CCDC102B: variants seen among roughly 807,000 people sequenced by gnomAD.
CCDC102B encodes coiled-coil domain-containing protein 102B.
Under a neutral mutation model 57.4 loss-of-function variants are expected in CCDC102B, and 75 were observed. That is an observed-to-expected ratio of 1.31 (90% CI 1.08 to 1.58). The LOEUF (loss-of-function observed/expected upper bound fraction) is 1.58. Ranked by LOEUF, CCDC102B falls within the 40% of genes most tolerant of loss-of-function variation. The pLI is 0.00. For synonymous variants in CCDC102B, 206 were observed against 201.9 expected, an observed-to-expected ratio of 1.02 and a Z score of -0.17; for missense variants, 636 against 582.6, an observed-to-expected ratio of 1.09 and a Z score of -0.94.
At chr18:68,841,448 T>C (rs2037625940) in intron 3 of CCDC102B, among the ~76,000 whole-genome samples, 1 of 152,240 alleles carries the variant, frequency 6.6e-6, no homozygotes, top group Admixed American at 6.5e-5. Context: ...TATATATTTC[T>C]GTTGACTTTC....
Position 68,874,906 on chromosome 18 carries a change from C to G in CCDC102B, c.1053+121C>G, listed in dbSNP as rs530011609. The stretch of plus-strand genomic sequence containing the variant: ...GGTTACTTTATGAAAGTGAATGCTG[C>G]TGCTAATGTAATCAGCTTATATGTG... On this transcript the variant is annotated intron_variant, in intron 5 of 7. Transcript: ENST00000360242. 4 of 635,484 alleles carry G rather than the reference C, an allele frequency of 6.3e-6. No individual in the cohort carries two copies. In the East Asian group the frequency reaches 1.1e-4, roughly 17 times the overall value. 39.4% of individuals were successfully genotyped at this position (635,484 alleles called of 1,614,324 possible). A position where few individuals can be genotyped will look rare whatever the true frequency, so the allele number is the denominator to read the frequency against.
At chr18:68,982,841 A>G (rs2145298410) in intron 6 of CCDC102B, among the ~76,000 whole-genome samples, 1 of 152,030 alleles carries the variant, frequency 6.6e-6, no homozygotes, top group Non-Finnish European at 1.5e-5. Context: ...AATGACTAAG[A>G]ATGTAGTAAA....
chr18:68,900,659 A>G (rs920619521), intron 6 of CCDC102B, among the ~76,000 whole-genome samples: 1 of 152,140 alleles, frequency 6.6e-6, no homozygotes, highest in Non-Finnish European at 1.5e-5. Flanking sequence ...TTGAATCTCC[A>G]TGTTTTATAA....
At chr18:68,783,223 T>C (rs2035068229) in intron 2 of CCDC102B, among the ~76,000 whole-genome samples, 1 of 152,196 alleles carries the variant, frequency 6.6e-6, no homozygotes. Flanking sequence ...TAGATGTCCA[T>C]AATCTAAACA....
chr18:68,858,543 C>T (rs889521723), intron 4 of CCDC102B, among the ~76,000 whole-genome samples: 7 of 152,136 alleles, frequency 4.6e-5, no homozygotes, highest in African/African-American at 1.7e-4. Flanking sequence ...TTGAAGTTCT[C>T]CTACCATCTG....
intron 1 of CCDC102B, among the ~76,000 whole-genome samples, chr18:68,810,680 GTTTTTTTTTTTTTTT>G (rs61714863): frequency 1.3e-5 from 1 of 77,042 alleles, no homozygotes; most frequent in African/African-American, 5.1e-5. Flanking sequence ...TCTTTTCTTT[GTTTTTTTTTTTTTTT>G]TTTTTTTTTT....
intron 1 of CCDC102B, among the ~76,000 whole-genome samples, chr18:68,811,586 G>A (rs889391695): frequency 1.3e-5 from 2 of 152,168 alleles, no homozygotes; most frequent in Non-Finnish European, 2.9e-5. Context: ...CTGCACTCCA[G>A]CCTGGGCAAC....
chr18:68,980,227 A>ACCCTCTC (rs2050542461), intron 6 of CCDC102B, among the ~76,000 whole-genome samples: 1 of 148,596 alleles, frequency 6.7e-6, no homozygotes, highest in Admixed American at 6.7e-5. Context: ...CCAAGATAGA[A>ACCCTCTC]CCCTCTCCTC....
intron 1 of CCDC102B, among the ~76,000 whole-genome samples, chr18:68,832,783 G>A (rs1202188178): frequency 1.3e-5 from 2 of 152,020 alleles, no homozygotes; most frequent in African/African-American, 4.8e-5. Context: ...TCTGCGGAGA[G>A]TGGGGAGCGT....
intron 6 of CCDC102B, among the ~76,000 whole-genome samples, chr18:68,973,507 G>A (rs2050353039): frequency 6.6e-6 from 1 of 152,058 alleles, no homozygotes; most frequent in South Asian, 2.1e-4. Context: ...ACGTAGCTTA[G>A]CAACCATCGA....
chr18:68,744,444 T>C (rs963206497), intron 2 of CCDC102B, among the ~76,000 whole-genome samples: 2 of 152,180 alleles, frequency 1.3e-5, no homozygotes, highest in Non-Finnish European at 2.9e-5. Flanking sequence ...GACTAGCTTG[T>C]AAACAATATA....
chr18:68,838,126 T>C (rs1027254338), intron 2 of CCDC102B, among the ~76,000 whole-genome samples: 1 of 152,218 alleles, frequency 6.6e-6, no homozygotes, highest in Non-Finnish European at 1.5e-5. Flanking sequence ...GTGAAGTTTT[T>C]GAGTTACGCT....
chr18:68,753,172 C>T (rs2033927559), intron 2 of CCDC102B: 2 of 152,014 alleles, frequency 1.3e-5, no homozygotes, highest in Admixed American at 1.3e-4. Context: ...ATGGGGAATG[C>T]AAATAATTTC....
chr18:68,979,471 G>A (rs1327674775), intron 6 of CCDC102B, among the ~76,000 whole-genome samples: 1 of 151,942 alleles, frequency 6.6e-6, no homozygotes, highest in African/African-American at 2.4e-5. Flanking sequence ...GGCCAAGCTG[G>A]TGCCCTTTAG....
intron 6 of CCDC102B, among the ~76,000 whole-genome samples, chr18:68,900,936 T>G (rs1284635660): frequency 6.6e-6 from 1 of 152,118 alleles, no homozygotes; most frequent in African/African-American, 2.4e-5. Flanking sequence ...GGTGGGGAAG[T>G]AAATTGCACT....
chr18:69,022,984 T>TA lies in CCDC102B; in HGVS notation c.1434+11894dup, dbSNP rs567067081. On this transcript the variant is annotated intron_variant, in intron 7 of 7. Transcript: ENST00000360242. ...AAGGATCCTAAAATCCGTGCTTAGT[T>TA]AAAAAAAAAAAAAATAGAAAAGCAG... is the stretch of plus-strand genomic sequence containing the variant. Among the ~76,000 whole-genome samples the TA allele has an allele frequency of 6.1e-3, 864 of 142,108 alleles. 6 individuals are homozygous for TA. Among genetic ancestry groups the TA allele is most frequent in the African/African-American group, 0.018 (707 of 38,868 alleles). The allele number at this position is 142,108 out of a possible 152,430, so 93.2% of individuals were successfully genotyped here.
chr18:69,051,042 G>A (rs762323483), intron 7 of CCDC102B, among the ~76,000 whole-genome samples: 2 of 151,890 alleles, frequency 1.3e-5, no homozygotes, highest in Non-Finnish European at 2.9e-5. Flanking sequence ...GTGCCACCAG[G>A]CCTGGCTATT....
rs1378187307 is a variant in CCDC102B at position 68,836,868 on chromosome 18, C to A, written c.105C>A (p.Pro35=). ...GCGACATGGTGGCACCTGCCTCACCCCCCAGGGATACCTGTAATACCTGCT... is the reference window on the plus strand; with the variant it reads ...GCGACATGGTGGCACCTGCCTCACCACCCAGGGATACCTGTAATACCTGCT... ...SRGDMVAPAS[P]PRDTCNTCFP... The change falls in exon 2 of 8, where the codon CCC becomes CCA. Residue 35 remains proline, a synonymous_variant. Coordinates refer to ENST00000360242, the MANE Select transcript of CCDC102B (RefSeq NM_024781.3). 6.2e-7 allele frequency: 1 copy of A among 1,613,994 alleles called. No homozygotes were observed. The highest frequency in any genetic ancestry group is 1.3e-5 in the African/African-American group (1 of 74,900).
chr18:68,856,966 A>G (rs1480109945), intron 4 of CCDC102B, among the ~76,000 whole-genome samples: 1 of 143,318 alleles, frequency 7.0e-6, no homozygotes, highest in Non-Finnish European at 1.5e-5. Flanking sequence ...ATATATACAC[A>G]CATATACAGT....
Sources: gnomAD v4.1 joint callset for allele counts (sites outside exome capture counted in the v4.1 genomes callset) on GRCh38, gnomAD v4.1.1 for gene constraint, MANE v1.5 for transcripts, NCBI Gene and HGNC (gene_info 2026-07-23, HGNC 2026-07-21) for gene names.